MDGA2: variants seen among roughly 807,000 people sequenced by gnomAD.
MDGA2 encodes MAM domain-containing glycosylphosphatidylinositol anchor protein 2.
MDGA2 carries 40 observed loss-of-function variants against 117.8 expected under a neutral mutation model. The ratio of observed to expected loss-of-function variants is 0.34; its 90% CI spans 0.26 to 0.44. MDGA2 has a LOEUF of 0.44. Among genes scored for constraint, MDGA2 ranks in the 20% least tolerant of loss-of-function variants. The pLI, the probability that MDGA2 is intolerant of heterozygous loss-of-function variation, is 1.00. For missense variants in MDGA2, 1,123 were observed against 1,250.6 expected, an observed-to-expected ratio of 0.90 and a Z score of 1.54; for synonymous variants, 452 against 439.0, an observed-to-expected ratio of 1.03 and a Z score of -0.37.
chr14:47,000,333 T>A (rs868039500), intron 8 of MDGA2, among the ~76,000 whole-genome samples: 18 of 128,680 alleles, frequency 1.4e-4, no homozygotes, highest in African/African-American at 4.9e-4. Context: ...ATATATATAT[T>A]TATATATATA....
intron 10 of MDGA2, among the ~76,000 whole-genome samples, chr14:46,895,821 A>C (rs900731102): frequency 6.6e-6 from 1 of 151,998 alleles, no homozygotes; most frequent in African/African-American, 2.4e-5. Flanking sequence ...TTTATTACTA[A>C]TAGTCTTAAT....
intron 1 of MDGA2, among the ~76,000 whole-genome samples, chr14:47,368,077 C>T (rs974331719): frequency 1.3e-5 from 2 of 151,674 alleles, no homozygotes; most frequent in East Asian, 2.0e-4. Context: ...GTCAGGAGTT[C>T]GAGATCAGCC....
intron 2 of MDGA2, among the ~76,000 whole-genome samples, chr14:47,283,308 T>C (rs2139744982): frequency 6.6e-6 from 1 of 152,292 alleles, no homozygotes; most frequent in African/African-American, 2.4e-5. Flanking sequence ...TAAATTAAAA[T>C]GAGATTTGGA....
intron 2 of MDGA2, among the ~76,000 whole-genome samples, chr14:47,280,079 C>T (rs1486855823): frequency 6.6e-6 from 1 of 151,596 alleles, no homozygotes. Flanking sequence ...TTCTGGGAGG[C>T]CGAGGTGGGC....
intron 3 of MDGA2, among the ~76,000 whole-genome samples, chr14:47,175,302 G>A (rs1884386348): frequency 6.6e-6 from 1 of 151,810 alleles, no homozygotes; most frequent in Non-Finnish European, 1.5e-5. Flanking sequence ...CATTTTATGA[G>A]GCCAGCATCA....
chr14:47,116,880 A>G (rs1280269929), intron 5 of MDGA2, among the ~76,000 whole-genome samples: 1 of 151,920 alleles, frequency 6.6e-6, no homozygotes, highest in Non-Finnish European at 1.5e-5. Context: ...ACACAAAAGC[A>G]TAGAAAACAA....
chr14:46,950,447 C>A (rs933917076), intron 9 of MDGA2, among the ~76,000 whole-genome samples: 1 of 151,930 alleles, frequency 6.6e-6, no homozygotes, highest in Non-Finnish European at 1.5e-5. Context: ...GGAATCACTT[C>A]GTATATTACA....
intron 3 of MDGA2, among the ~76,000 whole-genome samples, chr14:47,214,076 T>G (rs542153202): frequency 6.6e-6 from 1 of 152,196 alleles, no homozygotes; most frequent in Admixed American, 6.5e-5. Context: ...TCACGAGAAC[T>G]GCATGGAAGA....
intron 1 of MDGA2, among the ~76,000 whole-genome samples, chr14:47,367,510 A>G (rs1341168807): frequency 1.3e-5 from 2 of 152,246 alleles, no homozygotes; most frequent in East Asian, 3.8e-4. Flanking sequence ...AACGACCAAA[A>G]ATACTGTTTC....
At chr14:46,952,391 G>A (rs1885400201) in intron 9 of MDGA2, among the ~76,000 whole-genome samples, 1 of 151,890 alleles carries the variant, frequency 6.6e-6, no homozygotes, top group Non-Finnish European at 1.5e-5. Context: ...GGATTAAGAT[G>A]GAAGAAGCCT....
chr14:47,528,511 T>C (rs1265769808), intron 1 of MDGA2, among the ~76,000 whole-genome samples: 1 of 152,214 alleles, frequency 6.6e-6, no homozygotes, highest in Non-Finnish European at 1.5e-5. Flanking sequence ...AAGGAGATCA[T>C]GGTCTCTTCT....
intron 1 of MDGA2, among the ~76,000 whole-genome samples, chr14:47,512,527 C>A (rs1451015166): frequency 1.3e-5 from 2 of 151,958 alleles, no homozygotes; most frequent in African/African-American, 4.8e-5. Context: ...TTTCAAATGC[C>A]AAAGATTTGA....
chr14:46,922,197 GAT>G (rs1415194429), intron 9 of MDGA2, among the ~76,000 whole-genome samples: 3 of 152,082 alleles, frequency 2.0e-5, no homozygotes, highest in Admixed American at 6.5e-5. Context: ...GAATACCAGT[GAT>G]TTCCGAATAA....
intron 3 of MDGA2, among the ~76,000 whole-genome samples, chr14:47,155,620 C>T (rs1883336736): frequency 6.6e-6 from 1 of 152,008 alleles, no homozygotes; most frequent in African/African-American, 2.4e-5. Flanking sequence ...TGGCTGTACA[C>T]AGTGGCCAGA....
In MDGA2 at chr14:46,867,553, A is replaced by C. The variant is rs373775456; in HGVS notation, c.2752+5880T>G. Among the ~76,000 whole-genome samples, 24 of 152,224 alleles carry C rather than the reference A, an allele frequency of 1.6e-4. No homozygotes were observed. In the South Asian group the frequency reaches 5.0e-3, roughly 31 times the overall value. ...AACTTAAAGTATAATAATAATAAAAAAAGAGAAACTTAATGATTAGTTAAT... is the reference window on the plus strand; with the variant it reads ...AACTTAAAGTATAATAATAATAAAACAAGAGAAACTTAATGATTAGTTAAT... On this transcript the variant is annotated intron_variant, in intron 14 of 16. Transcript: ENST00000399232.
intron 1 of MDGA2, among the ~76,000 whole-genome samples, chr14:47,545,895 T>G (rs1161241601): frequency 4.6e-5 from 7 of 152,162 alleles, no homozygotes; most frequent in African/African-American, 1.4e-4. Context: ...GGAATTAATG[T>G]AGCCCACTTT....
intron 8 of MDGA2, among the ~76,000 whole-genome samples, chr14:46,978,410 A>G (rs1886548265): frequency 6.6e-6 from 1 of 152,046 alleles, no homozygotes; most frequent in African/African-American, 2.4e-5. Flanking sequence ...GAAGAAATGA[A>G]ATAAAGAATA....
intron 3 of MDGA2, among the ~76,000 whole-genome samples, chr14:47,211,005 AG>A (rs1885862405): frequency 6.6e-6 from 1 of 152,236 alleles, no homozygotes. Flanking sequence ...ACATAAAAAA[AG>A]AAAGTTACAA....
At chr14:47,084,294 A>G (rs1258966934) in intron 6 of MDGA2, among the ~76,000 whole-genome samples, 2 of 152,114 alleles carry the variant, frequency 1.3e-5, no homozygotes, top group African/African-American at 4.8e-5. Context: ...CTTCTAAATA[A>G]TCTATGGGTC....
Sources: gnomAD v4.1 joint callset for allele counts (sites outside exome capture counted in the v4.1 genomes callset) on GRCh38, gnomAD v4.1.1 for gene constraint, MANE v1.5 for transcripts, NCBI Gene and HGNC (gene_info 2026-07-23, HGNC 2026-07-21) for gene names.